Variants in CYTH3 observed in about 807,000 individuals in gnomAD.
CYTH3 encodes cytohesin-3.
Under a neutral mutation model 55.1 loss-of-function variants are expected in CYTH3, and 23 were observed. The ratio of observed to expected loss-of-function variants is 0.42; its 90% CI spans 0.30 to 0.59. The LOEUF (loss-of-function observed/expected upper bound fraction) is 0.59, where lower values mean the gene tolerates loss of function less well. Among genes scored for constraint, CYTH3 ranks in the 20% least tolerant of loss-of-function variants. The pLI, the probability that CYTH3 is intolerant of heterozygous loss-of-function variation, is 0.20. For missense variants in CYTH3, 413 were observed against 524.8 expected (o/e 0.79, Z 2.08); for synonymous variants, 249 against 194.9 (o/e 1.28, Z -2.31).
Position 6,162,647 on chromosome 7 carries a change from G to T in CYTH3, c.*2297C>A, listed in dbSNP as rs1300626367. 1 of 152,210 alleles carries T rather than the reference G, an allele frequency of 6.6e-6. No individual in the cohort carries two copies. The highest frequency in any genetic ancestry group is 1.5e-5 in the Non-Finnish European group (1 of 68,068). 9.4% of individuals were successfully genotyped at this position (152,210 alleles called of 1,614,324 possible). A position where few individuals can be genotyped will look rare whatever the true frequency, so the allele number is the denominator to read the frequency against. On this transcript the variant is annotated 3_prime_UTR_variant, in exon 13 of 13. Coordinates refer to ENST00000350796, the MANE Select transcript of CYTH3 (RefSeq NM_004227.4). ...AGCCTGGAGCTAGGCGATTTCCTTT[G>T]ACCACAAAGTACCTGGAGTCTAACT...
intron 1 of CYTH3, among the ~76,000 whole-genome samples, chr7:6,260,456 T>C (rs1385464893): frequency 6.6e-6 from 1 of 152,064 alleles, no homozygotes; most frequent in Non-Finnish European, 1.5e-5. Context: ...GCTTCCCCTC[T>C]ATTCTCATAA....
chr7:6,246,978 G>C (rs1779835916), intron 1 of CYTH3, among the ~76,000 whole-genome samples: 1 of 152,072 alleles, frequency 6.6e-6, no homozygotes, highest in Non-Finnish European at 1.5e-5. Flanking sequence ...TTTTGTTTAA[G>C]AAAAATTTAC....
At chr7:6,214,026 A>C (rs2128549819) in intron 1 of CYTH3, among the ~76,000 whole-genome samples, 1 of 152,376 alleles carries the variant, frequency 6.6e-6, no homozygotes, top group East Asian at 1.9e-4. Context: ...AGAGCTTCTC[A>C]GAAGACATAT....
intron 1 of CYTH3, among the ~76,000 whole-genome samples, chr7:6,248,880 A>G (rs139940621): frequency 4.6e-5 from 7 of 152,250 alleles, no homozygotes; most frequent in Admixed American, 1.3e-4. Flanking sequence ...GGATCTGGTG[A>G]TTCAAGGGAG....
chr7:6,169,263 G>A lies in CYTH3; in HGVS notation c.823+1272C>T, dbSNP rs934446622. Among the ~76,000 whole-genome samples the A allele has an allele frequency of 1.3e-5, 2 of 152,112 alleles. No individual in the cohort carries two copies. Among genetic ancestry groups the A allele is most frequent in the Non-Finnish European group, 2.9e-5 (2 of 68,016 alleles). ...TGAGACGAGGTCTCACTCTGTCGCCGAGGTGGGAGAGCAGTGGCACAGTCA... is the reference window on the plus strand; with the variant it reads ...TGAGACGAGGTCTCACTCTGTCGCCAAGGTGGGAGAGCAGTGGCACAGTCA... On this transcript the variant is annotated intron_variant, in intron 9 of 12. Coordinates refer to ENST00000350796, the MANE Select transcript of CYTH3 (RefSeq NM_004227.4). The surrounding 1 kb of genome is among the most constrained non-coding windows in gnomAD (Gnocchi z 4.1).
chr7:6,263,037 A>G (rs898816800), intron 1 of CYTH3, among the ~76,000 whole-genome samples: 5 of 152,202 alleles, frequency 3.3e-5, no homozygotes, highest in African/African-American at 7.2e-5. Context: ...CCAGAAACCT[A>G]AAGTCATATT....
chr7:6,247,475 G>A (rs1030468136), intron 1 of CYTH3, among the ~76,000 whole-genome samples: 3 of 151,772 alleles, frequency 2.0e-5, no homozygotes, highest in Non-Finnish European at 2.9e-5. Flanking sequence ...TATTGTTTCT[G>A]TTCTATTTGT....
intron 1 of CYTH3, among the ~76,000 whole-genome samples, chr7:6,205,662 C>A (rs1263358685): frequency 6.6e-6 from 1 of 151,784 alleles, no homozygotes; most frequent in Non-Finnish European, 1.5e-5. Flanking sequence ...TAGAAAATAA[C>A]AACTTAAGAT....
chr7:6,271,271 C>T (rs1201367006), intron 1 of CYTH3, among the ~76,000 whole-genome samples: 1 of 152,150 alleles, frequency 6.6e-6, no homozygotes, highest in Non-Finnish European at 1.5e-5. Flanking sequence ...TGCATCGCGT[C>T]TTTCAGCAAA....
intron 2 of CYTH3, 108 bp downstream of exon 2, chr7:6,190,341 T>A (rs1484141658): frequency 1.1e-6 from 1 of 947,114 alleles, no homozygotes; most frequent in Non-Finnish European, 1.5e-6. Flanking sequence ...ATTTTTTGTT[T>A]TTGGGTTTTT....
chr7:6,213,823 AG>A (rs940002007), intron 1 of CYTH3, among the ~76,000 whole-genome samples: 25 of 152,032 alleles, frequency 1.6e-4, no homozygotes, highest in African/African-American at 6.0e-4. Flanking sequence ...ACAGGGGCCC[AG>A]CCCAGAAGAC....
At chr7:6,178,159 G>A (rs939228306) in intron 4 of CYTH3, among the ~76,000 whole-genome samples, 7 of 152,212 alleles carry the variant, frequency 4.6e-5, no homozygotes, top group Admixed American at 1.3e-4. Context: ...AGTTTAACAA[G>A]TTAAAAGACA....
Position 6,171,206 on chromosome 7 carries a change from G to A in CYTH3, c.558C>T (p.Ser186=), listed in dbSNP as rs777199427. 1 of 1,614,036 alleles carries A rather than the reference G, an allele frequency of 6.2e-7. No homozygotes were observed. The highest frequency in any genetic ancestry group is 8.5e-7 in the Non-Finnish European group (1 of 1,180,000). ...YCLCNPGVFQ[S]TDTCYVLSFA... Reference sequence around the variant, plus strand: ...GGCTGTGGGCTCTGCACTGACCTGTGGACTGGAAGACCCCGGGGTTGCACA... The same window carrying A: ...GGCTGTGGGCTCTGCACTGACCTGTAGACTGGAAGACCCCGGGGTTGCACA... Residue 186 remains serine (S), a synonymous_variant, in exon 7 of 13, where the codon TCC becomes TCT. Transcript: ENST00000350796. This position sits in a 1 kb window ranked among gnomAD's most constrained non-coding sequence, Gnocchi z 6.7.
chr7:6,202,004 T>C (rs1379129292), intron 1 of CYTH3, among the ~76,000 whole-genome samples: 4 of 152,180 alleles, frequency 2.6e-5, no homozygotes, highest in Admixed American at 6.5e-5. Flanking sequence ...ATCTTTACCA[T>C]GGTAGACAGA....
chr7:6,172,840 C>A (rs929678835), intron 6 of CYTH3: 1 of 1,279,566 alleles, frequency 7.8e-7, no homozygotes, highest in Non-Finnish European at 1.0e-6. Context: ...CACTGTTCAG[C>A]CCCAGGCTGC....
chr7:6,190,956 A>T (rs566158631), intron 1 of CYTH3, among the ~76,000 whole-genome samples: 39 of 152,122 alleles, frequency 2.6e-4, no homozygotes, highest in African/African-American at 8.7e-4. Flanking sequence ...GCATGCCTGT[A>T]ATCTCAGCTA....
chr7:6,211,758 G>A (rs1784324048), intron 1 of CYTH3, among the ~76,000 whole-genome samples: 1 of 152,172 alleles, frequency 6.6e-6, no homozygotes, highest in Admixed American at 6.5e-5. Context: ...AGCACTTTGG[G>A]AGGCTGAGGC....
At position 6,165,631 on chromosome 7, in the gene CYTH3, T is replaced by A. The variant is rs1470785428; in HGVS notation, c.901-15A>T. 2 of 1,613,480 alleles carry A rather than the reference T, an allele frequency of 1.2e-6. No homozygotes were observed. Among genetic ancestry groups the A allele is most frequent in the African/African-American group, 2.7e-5 (2 of 74,892 alleles). ...GGCTCCTTATCCTACAAGAGGAAAG[T>A]ACACGGCGGGGCTCACTGTGGGTCA... On this transcript the variant is annotated splice_polypyrimidine_tract_variant and intron_variant, in intron 10 of 12. Transcript: ENST00000350796.
Position 6,259,832 on chromosome 7 carries a change from A to ATTT in CYTH3, c.34+12639_34+12641dup, listed in dbSNP as rs10586697. 6.8e-4 allele frequency among the ~76,000 whole-genome samples: 12 copies of ATTT among 17,568 alleles called. 1 individual carries two copies. The highest frequency in any genetic ancestry group is 9.7e-4 in the Admixed American group (1 of 1,026). 11.5% of individuals were successfully genotyped at this position (17,568 alleles called of 152,430 possible). A position where few individuals can be genotyped will look rare whatever the true frequency, so the allele number is the denominator to read the frequency against. On this transcript the variant is annotated intron_variant, in intron 1 of 12. Coordinates refer to ENST00000350796, the MANE Select transcript of CYTH3 (RefSeq NM_004227.4). The stretch of plus-strand genomic sequence containing the variant: ...ATATATAATATATATATATATATAT[A>ATTT]TTTTTTTTTTTTTTTAAGACGGATT...
Sources: gnomAD v4.1 joint callset for allele counts (sites outside exome capture counted in the v4.1 genomes callset) on GRCh38, gnomAD v4.1.1 for gene constraint, Gnocchi (gnomAD v3.1) non-coding constraint, MANE v1.5 for transcripts, NCBI Gene and HGNC (gene_info 2026-07-23, HGNC 2026-07-21) for gene names.